E2F3: variants seen among roughly 807,000 people sequenced by gnomAD.
E2F3 encodes transcription factor E2F3.
E2F3 carries 11 observed loss-of-function variants against 44.4 expected under a neutral mutation model. That is an observed-to-expected ratio of 0.25 (90% confidence interval 0.16 to 0.41). The LOEUF (loss-of-function observed/expected upper bound fraction) is 0.41. E2F3 is among the 10% of genes least tolerant of loss of function. The pLI is 1.00. For missense variants in E2F3, 487 were observed against 583.6 expected (o/e 0.83, Z 1.70); for synonymous variants, 249 against 253.0 (o/e 0.98, Z 0.15).
chr6:20,420,336 A>G (rs1455388424), intron 1 of E2F3, among the ~76,000 whole-genome samples: 2 of 152,210 alleles, frequency 1.3e-5, no homozygotes, highest in African/African-American at 2.4e-5. Flanking sequence ...TTCTGTGAGT[A>G]GCCTCTTTGA....
In E2F3 at chr6:20,476,303, G is replaced by A. The variant is rs192012977; in HGVS notation, c.394-3543G>A. ...GGAGAATGGCATGAACCCGGGAGGC[G>A]GAGCTTGCAATAAGTTGAAATTGCA... On this transcript the variant is annotated intron_variant, in intron 1 of 6. Coordinates refer to ENST00000346618, the MANE Select transcript of E2F3 (RefSeq NM_001949.5). Among the ~76,000 whole-genome samples, 1,072 of 152,172 alleles carry A rather than the reference G, an allele frequency of 7.0e-3. 16 individuals carry two copies. Among genetic ancestry groups the A allele is most frequent in the African/African-American group, 0.024 (990 of 41,502 alleles).
Position 20,488,366 on chromosome 6 carries a change from C to T in E2F3, c.1135+118C>T, listed in dbSNP as rs1049982485. On this transcript the variant is annotated intron_variant, in intron 6 of 6. Coordinates refer to ENST00000346618, the MANE Select transcript of E2F3 (RefSeq NM_001949.5). The stretch of plus-strand genomic sequence containing the variant: ...ACAAACTTCTATTGGTATTAGGTAA[C>T]ATGTTTTAAAAGACATTCTGACTGG... 66 of 1,227,476 alleles carry T rather than the reference C, an allele frequency of 5.4e-5. No individual in the cohort carries two copies. The African/African-American group carries it at 9.6e-4, about 18-fold the overall frequency. 76.0% of individuals were successfully genotyped at this position (1,227,476 alleles called of 1,614,324 possible). A position where few individuals can be genotyped will look rare whatever the true frequency, so the allele number is the denominator to read the frequency against.
At chr6:20,432,289 G>A (rs909554032) in intron 1 of E2F3, among the ~76,000 whole-genome samples, 3 of 152,152 alleles carry the variant, frequency 2.0e-5, no homozygotes, top group Admixed American at 6.5e-5. Flanking sequence ...GGGGAGGGGG[G>A]TCTGTGAACA....
chr6:20,430,222 G>A (rs2127592880), intron 1 of E2F3, among the ~76,000 whole-genome samples: 1 of 152,276 alleles, frequency 6.6e-6, no homozygotes, highest in Middle Eastern at 3.4e-3. Flanking sequence ...TAGGTCCCAT[G>A]CAATATTGGG....
intron 1 of E2F3, among the ~76,000 whole-genome samples, chr6:20,432,316 C>T (rs1760432226): frequency 1.3e-5 from 2 of 152,190 alleles, no homozygotes; most frequent in South Asian, 4.1e-4. Context: ...CCATGGTGTT[C>T]GTTGGCCACC....
At chr6:20,452,599 G>T (rs751472069) in intron 1 of E2F3, 1 of 152,122 alleles carries the variant, frequency 6.6e-6, no homozygotes, top group African/African-American at 2.4e-5. Flanking sequence ...ATATGGTTTA[G>T]ATTTGCATAC....
intron 1 of E2F3, among the ~76,000 whole-genome samples, chr6:20,475,134 C>T (rs1039349087): frequency 6.6e-6 from 1 of 152,212 alleles, no homozygotes; most frequent in Non-Finnish European, 1.5e-5. Context: ...CATCATGGAC[C>T]TTCACTTTCT....
chr6:20,443,823 G>A (rs770198920), intron 1 of E2F3, among the ~76,000 whole-genome samples: 26 of 152,228 alleles, frequency 1.7e-4, no homozygotes, highest in Non-Finnish European at 3.5e-4. Context: ...GTGTGTGTCT[G>A]TACTGCATGT....
chr6:20,434,888 C>T lies in E2F3; in HGVS notation c.393+32263C>T, dbSNP rs190538603. Reference sequence around the variant, plus strand: ...CAAAGGCACACGCATAAAATGAGAGCGTGGCAGATGGAGAGGGGTGGGGAG... The same window carrying T: ...CAAAGGCACACGCATAAAATGAGAGTGTGGCAGATGGAGAGGGGTGGGGAG... On this transcript the variant is annotated intron_variant, in intron 1 of 6. Coordinates refer to ENST00000346618, the MANE Select transcript of E2F3 (RefSeq NM_001949.5). Among the ~76,000 whole-genome samples, 396 of 152,178 alleles carry T rather than the reference C, an allele frequency of 2.6e-3. 1 individual carries two copies. The highest frequency in any genetic ancestry group is 3.2e-3 in the Non-Finnish European group (220 of 68,012).
intron 1 of E2F3, among the ~76,000 whole-genome samples, chr6:20,454,984 AT>A (rs895054848): frequency 2.0e-5 from 3 of 151,802 alleles, no homozygotes; most frequent in African/African-American, 7.3e-5. Context: ...AGGGATCAGG[AT>A]TTTTTTTTAT....
intron 1 of E2F3, among the ~76,000 whole-genome samples, chr6:20,447,099 G>T (rs1443266569): frequency 6.6e-6 from 1 of 152,100 alleles, no homozygotes. Flanking sequence ...ATATTAGCTT[G>T]CATCTTGTCA....
At chr6:20,454,324 A>C (rs1196606158) in intron 1 of E2F3, among the ~76,000 whole-genome samples, 1 of 152,242 alleles carries the variant, frequency 6.6e-6, no homozygotes, top group East Asian at 1.9e-4. Flanking sequence ...ATTGAGACCC[A>C]TGACCTTAGA....
intron 4 of E2F3, among the ~76,000 whole-genome samples, chr6:20,485,978 C>A (rs1762379194): frequency 6.6e-6 from 1 of 151,858 alleles, no homozygotes; most frequent in Non-Finnish European, 1.5e-5. Context: ...TTTTTTCCTG[C>A]AAATTGGAAT....
chr6:20,446,123 A>G (rs1158436687), intron 1 of E2F3, among the ~76,000 whole-genome samples: 2 of 152,194 alleles, frequency 1.3e-5, no homozygotes, highest in African/African-American at 4.8e-5. Flanking sequence ...GATAGTGGCC[A>G]TGGCCAGGAA....
intron 1 of E2F3, among the ~76,000 whole-genome samples, chr6:20,433,762 C>T (rs1159676466): frequency 2.0e-5 from 3 of 151,704 alleles, no homozygotes; most frequent in Non-Finnish European, 4.4e-5. Flanking sequence ...TTTTTTAAGA[C>T]ATAAAAAAGC....
At chr6:20,449,343 A>T (rs1761051065) in intron 1 of E2F3, among the ~76,000 whole-genome samples, 1 of 152,140 alleles carries the variant, frequency 6.6e-6, no homozygotes, top group Non-Finnish European at 1.5e-5. Flanking sequence ...CTGTTTATGC[A>T]AATCTTTAAA....
intron 1 of E2F3, chr6:20,403,761 G>A (rs1759392593): frequency 6.7e-7 from 1 of 1,490,612 alleles, no homozygotes; most frequent in Non-Finnish European, 8.9e-7. Context: ...GGCCCTCCGG[G>A]CCCCCTCTCC....
intron 6 of E2F3, among the ~76,000 whole-genome samples, chr6:20,489,400 T>A (rs992847823): frequency 6.7e-6 from 1 of 148,680 alleles, no homozygotes; most frequent in Admixed American, 6.7e-5. Context: ...GAGTTCGAGG[T>A]TAGAGTGAGC....
At position 20,401,926 on chromosome 6, in the gene E2F3, C is replaced by A. The variant is rs979963201; in HGVS notation, c.-307C>A. On this transcript the variant is annotated 5_prime_UTR_variant, in exon 1 of 7. Coordinates refer to ENST00000346618, the MANE Select transcript of E2F3 (RefSeq NM_001949.5). The stretch of plus-strand genomic sequence containing the variant: ...CTGGAGCCATTTTTCAGCTGCCGGC[C>A]GCAGCACCCGGGCTGCCGCCGCCGC... 2 of 398,260 alleles carry A rather than the reference C, an allele frequency of 5.0e-6. No homozygotes were observed. The highest frequency in any genetic ancestry group is 5.5e-5 in the South Asian group (1 of 18,024). 24.7% of individuals were successfully genotyped at this position (398,260 alleles called of 1,614,324 possible).
Sources: gnomAD v4.1 joint callset for allele counts (sites outside exome capture counted in the v4.1 genomes callset) on GRCh38, gnomAD v4.1.1 for gene constraint, MANE v1.5 for transcripts, NCBI Gene and HGNC (gene_info 2026-07-23, HGNC 2026-07-21) for gene names.